HMOX2: variants seen among roughly 807,000 people sequenced by gnomAD.
HMOX2 encodes heme oxygenase (decycling) 2.
In HMOX2, 30 loss-of-function variants were observed where a neutral mutation model predicts 33.7. The ratio of observed to expected loss-of-function variants is 0.89; its 90% CI spans 0.67 to 1.21. HMOX2 has a LOEUF of 1.21. Ranked by LOEUF, HMOX2 falls within the 50% of genes most tolerant of loss-of-function variation. The probability of loss-of-function intolerance (pLI) is 0.00; values close to 1 mark genes in which losing one functional copy is unlikely to be tolerated. For synonymous variants in HMOX2, 155 were observed against 155.0 expected (o/e 1.00, Z 0.00); for missense variants, 403 against 399.1 (o/e 1.01, Z -0.08).
chr16:4,488,770 G>A (rs1217822156), intron 1 of HMOX2: 3 of 152,692 alleles, frequency 2.0e-5, no homozygotes, highest in African/African-American at 7.2e-5. Flanking sequence ...GCGTTGAGTG[G>A]AGAAGGCTGG....
intron 1 of HMOX2, among the ~76,000 whole-genome samples, chr16:4,483,265 T>C (rs2058079080): frequency 6.6e-6 from 1 of 150,722 alleles, no homozygotes; most frequent in African/African-American, 2.4e-5. Flanking sequence ...GAATACGTTA[T>C]TGGCCACTGG....
At chr16:4,474,762 G>C (rs2057767409), upstream of HMOX2, 2 of 152,616 alleles carry the variant, frequency 1.3e-5, no homozygotes, top group Non-Finnish European at 1.5e-5. Context: ...GCGAGGTGGA[G>C]AGCCTCTTAA....
chr16:4,503,497 G>T (rs919965279), intron 1 of HMOX2, among the ~76,000 whole-genome samples: 5 of 152,158 alleles, frequency 3.3e-5, no homozygotes, highest in African/African-American at 1.2e-4. Flanking sequence ...GTCAAGAGAA[G>T]GTTCCATTTT....
At chr16:4,509,389 C>T (rs1435555241) in intron 4 of HMOX2, 23 bp from the exon 5 acceptor site, 3 of 1,606,552 alleles carry the variant, frequency 1.9e-6, no homozygotes, top group South Asian at 2.2e-5. Flanking sequence ...AAAGATGGCT[C>T]AGTCGATCCT....
chr16:4,477,816 G>A (rs2057908832), intron 1 of HMOX2, among the ~76,000 whole-genome samples: 1 of 152,182 alleles, frequency 6.6e-6, no homozygotes, highest in South Asian at 2.1e-4. Flanking sequence ...AGCTACTGGG[G>A]AGTTTGAGGT....
Position 4,509,896 on chromosome 16 carries a change from T to G in HMOX2, c.*140T>G. The G allele has an allele frequency of 1.1e-6, 1 of 893,216 alleles. No homozygotes were observed. Among genetic ancestry groups the G allele is most frequent in the Non-Finnish European group, 1.7e-6 (1 of 595,262 alleles). 55.3% of individuals were successfully genotyped at this position (893,216 alleles called of 1,614,324 possible). On this transcript the variant is annotated 3_prime_UTR_variant, in exon 6 of 6. Transcript: ENST00000570646. Reference sequence around the variant, plus strand: ...AGAAAGGCAACCAATAAAAGCCAGATGCTAGAGCCTCTGCCTGACAGCATC... The same window carrying G: ...AGAAAGGCAACCAATAAAAGCCAGAGGCTAGAGCCTCTGCCTGACAGCATC...
At chr16:4,475,543 C>T (rs1012513878), upstream of HMOX2, among the ~76,000 whole-genome samples, 1 of 151,074 alleles carries the variant, frequency 6.6e-6, no homozygotes, top group Non-Finnish European at 1.5e-5. Flanking sequence ...AACTGCTGAC[C>T]TCAAGTGATC....
chr16:4,501,507 A>G (rs1225058092), intron 1 of HMOX2, among the ~76,000 whole-genome samples: 1 of 152,126 alleles, frequency 6.6e-6, no homozygotes, highest in African/African-American at 2.4e-5. Context: ...TTTGATACAG[A>G]TTACAATTAC....
chr16:4,492,940 G>A (rs2141563579), intron 1 of HMOX2, among the ~76,000 whole-genome samples: 1 of 152,192 alleles, frequency 6.6e-6, no homozygotes, highest in East Asian at 1.9e-4. Flanking sequence ...AGAAGGCTGA[G>A]GCACAGGAAT....
intron 1 of HMOX2, among the ~76,000 whole-genome samples, chr16:4,476,923 C>T (rs534211246): frequency 6.2e-4 from 94 of 152,266 alleles, no homozygotes; most frequent in African/African-American, 1.9e-3. Flanking sequence ...TTGGCTGTTT[C>T]CCGGGCTGTT....
chr16:4,503,985 G>T (rs1292577934), intron 1 of HMOX2, among the ~76,000 whole-genome samples: 1 of 152,200 alleles, frequency 6.6e-6, no homozygotes, highest in Non-Finnish European at 1.5e-5. Flanking sequence ...TGCTATTCAT[G>T]TGGAAGATTC....
chr16:4,506,818 C>T (rs2058704599), intron 2 of HMOX2, 77 bp from the exon 3 acceptor site: 3 of 1,080,714 alleles, frequency 2.8e-6, no homozygotes, highest in Non-Finnish European at 2.9e-6. Context: ...GGTGTGGACT[C>T]AATCTTCTCT....
intron 1 of HMOX2, among the ~76,000 whole-genome samples, chr16:4,484,539 C>A (rs1345497298): frequency 2.0e-5 from 3 of 149,178 alleles, no homozygotes; most frequent in African/African-American, 7.4e-5. Context: ...CGGCTCACTG[C>A]AATCTCCACC....
At chr16:4,493,585 C>CA (rs2058351446) in intron 1 of HMOX2, among the ~76,000 whole-genome samples, 1 of 152,230 alleles carries the variant, frequency 6.6e-6, no homozygotes, top group Admixed American at 6.5e-5. Context: ...TGCCTTTCTA[C>CA]AGCCTGTGCC....
intron 1 of HMOX2, among the ~76,000 whole-genome samples, chr16:4,484,480 A>G (rs901423914): frequency 5.3e-5 from 5 of 94,306 alleles, no homozygotes; most frequent in African/African-American, 1.8e-4. Flanking sequence ...TTTTTTTTTG[A>G]GACGGAGTCT....
intron 1 of HMOX2, among the ~76,000 whole-genome samples, chr16:4,492,340 TAAATA>T (rs1370975718): frequency 6.7e-6 from 1 of 150,308 alleles, no homozygotes; most frequent in Non-Finnish European, 1.5e-5. Flanking sequence ...AAAAAAAAAT[TAAATA>T]AATAAATAAA....
chr16:4,504,483 C>G (rs1057275375), intron 1 of HMOX2, among the ~76,000 whole-genome samples: 1 of 149,986 alleles, frequency 6.7e-6, no homozygotes, highest in Non-Finnish European at 1.5e-5. Flanking sequence ...GCCTCAGCCT[C>G]CTGAGTAGCT....
chr16:4,500,107 T>A (rs777973960), intron 1 of HMOX2, among the ~76,000 whole-genome samples: 1 of 152,164 alleles, frequency 6.6e-6, no homozygotes, highest in African/African-American at 2.4e-5. Context: ...ATCTCTCTTG[T>A]AGGAAGCTTT....
At chr16:4,498,278 G>A (rs960159093) in intron 1 of HMOX2, among the ~76,000 whole-genome samples, 1 of 151,776 alleles carries the variant, frequency 6.6e-6, no homozygotes, top group African/African-American at 2.4e-5. Flanking sequence ...TGTTGGCCAG[G>A]CTGGTCTTGA....
Sources: allele counts gnomAD v4.1 joint callset (sites outside exome capture counted in the v4.1 genomes callset), GRCh38; gene constraint gnomAD v4.1.1; transcripts MANE v1.5; gene names NCBI Gene and HGNC (gene_info 2026-07-23, HGNC 2026-07-21).